Variants in SCARB2 observed in about 807,000 individuals in gnomAD.
The protein encoded by SCARB2 is lysosome membrane protein 2.
In SCARB2, 29 loss-of-function variants were observed where a neutral mutation model predicts 58.6. That is an observed-to-expected ratio of 0.49 (90% confidence interval 0.37 to 0.67). The LOEUF is 0.67. Among genes scored for constraint, SCARB2 ranks in the 30% least tolerant of loss-of-function variants. The pLI, the probability that SCARB2 is intolerant of heterozygous loss-of-function variation, is 0.00. For missense variants in SCARB2, 488 were observed against 578.5 expected, an observed-to-expected ratio of 0.84 and a Z score of 1.60; for synonymous variants, 195 against 210.1, an observed-to-expected ratio of 0.93 and a Z score of 0.62.
chr4:76,191,307 A>G (rs2109957362), intron 2 of SCARB2, among the ~76,000 whole-genome samples: 1 of 152,336 alleles, frequency 6.6e-6, no homozygotes, highest in South Asian at 2.1e-4. Context: ...TGACTTGTAC[A>G]GACTAAAACA....
At chr4:76,185,848 C>T (rs1351149030) in intron 2 of SCARB2, among the ~76,000 whole-genome samples, 1 of 152,170 alleles carries the variant, frequency 6.6e-6, no homozygotes, top group East Asian at 1.9e-4. Context: ...TAACATTCAA[C>T]CCTGGTTTCA....
intron 10 of SCARB2, 54 bp from the exon 11 acceptor site, chr4:76,163,437 G>T: frequency 2.5e-6 from 4 of 1,596,102 alleles, no homozygotes; most frequent in South Asian, 1.1e-5. Flanking sequence ...GTGTGTAACT[G>T]TTTTTTGCTA....
At chr4:76,209,339 C>T (rs1006057985) in intron 1 of SCARB2, among the ~76,000 whole-genome samples, 2 of 152,116 alleles carry the variant, frequency 1.3e-5, no homozygotes, top group African/African-American at 4.8e-5. Context: ...ATCTGGTTAT[C>T]AGTGATTACA....
chr4:76,226,145 T>C (rs1560728863), intron 1 of SCARB2, among the ~76,000 whole-genome samples: 1 of 152,240 alleles, frequency 6.6e-6, no homozygotes, highest in Middle Eastern at 3.4e-3. Context: ...TAAGAGTACA[T>C]ACGGTGGGTC....
At chr4:76,205,905 C>T (rs926275808) in intron 1 of SCARB2, among the ~76,000 whole-genome samples, 4 of 152,124 alleles carry the variant, frequency 2.6e-5, no homozygotes, top group Non-Finnish European at 4.4e-5. Flanking sequence ...TGCACAACAA[C>T]GGATACCTTC....
Position 76,176,272 on chromosome 4 carries a change from T to A in SCARB2, c.704+165A>T, listed in dbSNP as rs1037192714. The A allele has an allele frequency of 2.6e-5, 16 of 621,286 alleles. No homozygotes were observed. In the African/African-American group the frequency reaches 3.0e-4, roughly 11 times the overall value. 38.5% of individuals were successfully genotyped at this position (621,286 alleles called of 1,614,324 possible). On this transcript the variant is annotated intron_variant, in intron 5 of 11. Transcript: ENST00000264896. ...CACTAATATTTAATCTGTAAGATGT[T>A]TTACCACCATCTTGATTTGTAGAAT...
At chr4:76,164,169 T>C (rs1731953928) in intron 10 of SCARB2, 1 of 152,236 alleles carries the variant, frequency 6.6e-6, no homozygotes, top group African/African-American at 2.4e-5. Flanking sequence ...AAGAGCTTAA[T>C]TCCATAGAAA....
chr4:76,172,128 C>T (rs1035761631), intron 7 of SCARB2, among the ~76,000 whole-genome samples: 1 of 148,060 alleles, frequency 6.8e-6, no homozygotes, highest in African/African-American at 2.5e-5. Flanking sequence ...AATATATTAA[C>T]ATATACATAC....
At chr4:76,214,368 C>T, upstream of SCARB2, 1 of 446,492 alleles carries the variant, frequency 2.2e-6, no homozygotes, top group Non-Finnish European at 4.5e-6. Context: ...GGGGCATGTG[C>T]AAGAATGGAA....
intron 1 of SCARB2, among the ~76,000 whole-genome samples, chr4:76,203,837 G>A (rs894800435): frequency 2.6e-5 from 4 of 152,236 alleles, no homozygotes; most frequent in African/African-American, 9.7e-5. Context: ...GAAACCAGCT[G>A]TCCTGATGTA....
intron 10 of SCARB2, 185 bp from the exon 11 acceptor site, chr4:76,163,568 TCTC>T: frequency 3.1e-6 from 2 of 640,486 alleles, no homozygotes; most frequent in Non-Finnish European, 2.7e-6. Flanking sequence ...TATCTTGTCT[TCTC>T]CTGAAGACAT....
intron 1 of SCARB2, among the ~76,000 whole-genome samples, chr4:76,221,908 TA>T (rs1733315962): frequency 6.6e-6 from 1 of 152,016 alleles, no homozygotes; most frequent in East Asian, 1.9e-4. Flanking sequence ...GAACCTAAAA[TA>T]AAAATCAAAG....
At chr4:76,190,135 C>T (rs933173132) in intron 2 of SCARB2, among the ~76,000 whole-genome samples, 1 of 151,868 alleles carries the variant, frequency 6.6e-6, no homozygotes. Flanking sequence ...CAGCCTCCCA[C>T]GTAGCTGGGG....
intron 2 of SCARB2, chr4:76,192,652 A>C (rs1732630101): frequency 1.3e-5 from 2 of 151,982 alleles, no homozygotes. Flanking sequence ...GCATTTCCGC[A>C]GTCTGGGCAA....
At chr4:76,216,647 T>G (rs1178529150), upstream of SCARB2, among the ~76,000 whole-genome samples, 2 of 152,212 alleles carry the variant, frequency 1.3e-5, no homozygotes, top group African/African-American at 4.8e-5. Flanking sequence ...GGTTTACAGC[T>G]CAAGTTGCCC....
chr4:76,200,694 TC>T (rs1560718318), intron 1 of SCARB2, among the ~76,000 whole-genome samples: 2 of 152,192 alleles, frequency 1.3e-5, no homozygotes, highest in African/African-American at 4.8e-5. Context: ...TTTAGATCCT[TC>T]CAGTAGCATG....
chr4:76,172,159 G>C (rs1301290788), intron 7 of SCARB2, among the ~76,000 whole-genome samples: 1 of 148,514 alleles, frequency 6.7e-6, no homozygotes, highest in Non-Finnish European at 1.5e-5. Context: ...ACATGTGGCT[G>C]TTAAAACTAG....
chr4:76,212,105 C>G (rs1311158396), intron 1 of SCARB2, among the ~76,000 whole-genome samples: 4 of 152,130 alleles, frequency 2.6e-5, no homozygotes, highest in African/African-American at 9.7e-5. Context: ...TAAGAAAACT[C>G]ACATATTTAC....
At position 76,179,481 on chromosome 4, in the gene SCARB2, T is replaced by TA. The variant is rs570067495; in HGVS notation, c.612+35dup. On this transcript the variant is annotated intron_variant, in intron 4 of 11. Coordinates refer to ENST00000264896, the MANE Select transcript of SCARB2 (RefSeq NM_005506.4). ...TGGGGTGCCCCAACCCACTGTCAGC[T>TA]AAAAAAAGAGGTTCTGAAAAGAAAA... is the stretch of plus-strand genomic sequence containing the variant. The TA allele has an allele frequency of 8.0e-6, 12 of 1,508,740 alleles. No individual in the cohort carries two copies. In the East Asian group the frequency reaches 1.8e-4, roughly 23 times the overall value. 93.5% of individuals were successfully genotyped at this position (1,508,740 alleles called of 1,614,324 possible). A position where few individuals can be genotyped will look rare whatever the true frequency, so the allele number is the denominator to read the frequency against.
Sources: gnomAD v4.1 joint callset for allele counts (sites outside exome capture counted in the v4.1 genomes callset) on GRCh38, gnomAD v4.1.1 for gene constraint, MANE v1.5 for transcripts, NCBI Gene and HGNC (gene_info 2026-07-23, HGNC 2026-07-21) for gene names.